The following TMEM232 variants were observed in gnomAD, a reference collection of about 807,000 sequenced individuals.
TMEM232 encodes the protein transmembrane protein 232.
In TMEM232, 80 loss-of-function variants were observed where a neutral mutation model predicts 78.8. The ratio of observed to expected loss-of-function variants is 1.01; its 90% CI spans 0.85 to 1.22. The LOEUF (loss-of-function observed/expected upper bound fraction) is 1.22, where lower values mean the gene tolerates loss of function less well. Among genes scored for constraint, TMEM232 ranks in the 50% most tolerant of loss-of-function variants. TMEM232 has a pLI of 0.00. For synonymous variants in TMEM232, 297 were observed against 254.3 expected (o/e 1.17, Z -1.60); for missense variants, 881 against 742.2 (o/e 1.19, Z -2.17).
chr5:110,509,000 A>ATATATGTATATATG (rs1554094394), intron 12 of TMEM232, among the ~76,000 whole-genome samples: 6 of 104,566 alleles, frequency 5.7e-5, no homozygotes, highest in African/African-American at 4.1e-4. Flanking sequence ...GTATATATGT[A>ATATATGTATATATG]TATATATATG....
intron 10 of TMEM232, among the ~76,000 whole-genome samples, chr5:110,577,400 A>G (rs933917394): frequency 6.6e-6 from 1 of 152,096 alleles, no homozygotes; most frequent in African/African-American, 2.4e-5. Flanking sequence ...TGTGGAGGAA[A>G]AGAAATGCTT....
At chr5:110,421,293 C>T (rs73218944) in intron 13 of TMEM232, among the ~76,000 whole-genome samples, 3,155 of 151,738 alleles carry the variant, frequency 0.021, 101 homozygotes, top group African/African-American at 0.072. Context: ...TTTTCTTTTG[C>T]TTTCACTTAG....
At chr5:110,720,260 G>A (rs1047643301) in intron 1 of TMEM232, among the ~76,000 whole-genome samples, 4 of 152,052 alleles carry the variant, frequency 2.6e-5, no homozygotes, top group Admixed American at 6.6e-5. Context: ...AAGTTGCAAC[G>A]AGGGAAATTA....
intron 2 of TMEM232, among the ~76,000 whole-genome samples, chr5:110,404,866 G>A (rs1344284527): frequency 6.6e-6 from 1 of 151,994 alleles, no homozygotes; most frequent in Non-Finnish European, 1.5e-5. Context: ...TGTTGATGAA[G>A]AGACTCGGCA....
intron 12 of TMEM232, among the ~76,000 whole-genome samples, chr5:110,445,057 C>T (rs560879864): frequency 4.9e-4 from 74 of 151,832 alleles, no homozygotes; most frequent in African/African-American, 1.7e-3. Flanking sequence ...TTTCTATAGC[C>T]CTCATTTTCC....
At chr5:110,412,715 C>G (rs1756044276) in intron 2 of TMEM232, among the ~76,000 whole-genome samples, 1 of 151,950 alleles carries the variant, frequency 6.6e-6, no homozygotes, top group South Asian at 2.1e-4. Flanking sequence ...TTATAAATTT[C>G]TAATGTTTCA....
intron 12 of TMEM232, among the ~76,000 whole-genome samples, chr5:110,519,817 C>T (rs1328759034): frequency 2.0e-5 from 3 of 150,666 alleles, no homozygotes; most frequent in Non-Finnish European, 4.4e-5. Flanking sequence ...CTGTCATTTG[C>T]AACAACATGG....
At chr5:110,691,913 T>A (rs976895078) in intron 1 of TMEM232, among the ~76,000 whole-genome samples, 1 of 152,142 alleles carries the variant, frequency 6.6e-6, no homozygotes, top group Admixed American at 6.5e-5. Context: ...ACATTCTCAA[T>A]TCTTTTGTTT....
intron 1 of TMEM232, among the ~76,000 whole-genome samples, chr5:110,694,321 G>A (rs1580697120): frequency 6.6e-6 from 1 of 152,120 alleles, no homozygotes; most frequent in South Asian, 2.1e-4. Flanking sequence ...ACATGGAAAG[G>A]AACAACCAGT....
Position 110,530,209 on chromosome 5 carries a change from C to T in TMEM232, c.1456-1374G>A, listed in dbSNP as rs77327930. On this transcript the variant is annotated intron_variant, in intron 11 of 13. Coordinates refer to ENST00000455884, the MANE Select transcript of TMEM232 (RefSeq NM_001039763.4). ...GTACAGTCTCAGGATATAGACTGAA[C>T]GAAAAACAGTTAAAGTAATGAGAAA... is the stretch of plus-strand genomic sequence containing the variant. 3.4e-3 allele frequency among the ~76,000 whole-genome samples: 519 copies of T among 151,618 alleles called. 19 individuals carry two copies. The East Asian group carries it at 0.085, about 25-fold the overall frequency.
At chr5:110,566,539 G>C (rs916567399) in intron 11 of TMEM232, among the ~76,000 whole-genome samples, 1 of 151,892 alleles carries the variant, frequency 6.6e-6, no homozygotes, top group Non-Finnish European at 1.5e-5. Context: ...CTCTAGAGCA[G>C]GGGCAAAATG....
At chr5:110,665,964 G>A (rs1790529351) in intron 2 of TMEM232, among the ~76,000 whole-genome samples, 1 of 151,826 alleles carries the variant, frequency 6.6e-6, no homozygotes, top group African/African-American at 2.4e-5. Flanking sequence ...AGCTGCTCAG[G>A]AGGCTGAGAC....
chr5:110,667,563 A>G, intron 1 of TMEM232, 199 bp from the exon 2 acceptor site: 1 of 359,588 alleles, frequency 2.8e-6, no homozygotes, highest in South Asian at 4.9e-5. Context: ...TACTATTATA[A>G]GTATATATAT....
intron 10 of TMEM232, among the ~76,000 whole-genome samples, chr5:110,571,055 C>T (rs1484241882): frequency 6.6e-6 from 1 of 152,000 alleles, no homozygotes; most frequent in East Asian, 1.9e-4. Context: ...CCACACTACA[C>T]CTGGCTTCTA....
At chr5:110,408,060 A>T (rs180893954) in intron 2 of TMEM232, among the ~76,000 whole-genome samples, 28 of 152,098 alleles carry the variant, frequency 1.8e-4, no homozygotes, top group African/African-American at 5.8e-4. Context: ...ACCAAAATCT[A>T]TGGGATACAA....
At chr5:110,706,042 C>T (rs1293099825) in intron 1 of TMEM232, among the ~76,000 whole-genome samples, 4 of 151,890 alleles carry the variant, frequency 2.6e-5, no homozygotes, top group African/African-American at 9.7e-5. Flanking sequence ...ATACTGGCTT[C>T]ATAGGGAAGT....
chr5:110,420,860 T>G, intron 13 of TMEM232, 104 bp from the exon 14 acceptor site: 1 of 1,412,810 alleles, frequency 7.1e-7, no homozygotes, highest in Non-Finnish European at 9.2e-7. Context: ...TCCTTTCAGG[T>G]TTTTTCCATG....
At chr5:110,546,885 A>C (rs1773841978) in intron 11 of TMEM232, among the ~76,000 whole-genome samples, 1 of 152,116 alleles carries the variant, frequency 6.6e-6, no homozygotes, top group African/African-American at 2.4e-5. Flanking sequence ...AAGGAAATAT[A>C]AGAACATTTA....
At chr5:110,694,243 C>G (rs927683657) in intron 1 of TMEM232, among the ~76,000 whole-genome samples, 1 of 152,132 alleles carries the variant, frequency 6.6e-6, no homozygotes, top group Non-Finnish European at 1.5e-5. Flanking sequence ...ACTTTACAGA[C>G]AAGCAAATGC....
Sources: gnomAD v4.1 joint callset for allele counts (sites outside exome capture counted in the v4.1 genomes callset) on GRCh38, gnomAD v4.1.1 for gene constraint, MANE v1.5 for transcripts, NCBI Gene and HGNC (gene_info 2026-07-23, HGNC 2026-07-21) for gene names.